ANKRD27: variants seen among roughly 807,000 people sequenced by gnomAD.
ANKRD27 encodes ankyrin repeat domain-containing protein 27.
In ANKRD27, 112 loss-of-function variants were observed where a neutral mutation model predicts 129.7. The ratio of observed to expected loss-of-function variants is 0.86; its 90% CI spans 0.74 to 1.01. The LOEUF is 1.01. Among genes scored for constraint, ANKRD27 ranks in the 50% least tolerant of loss-of-function variants. The pLI is 0.00. For missense variants in ANKRD27, 1,258 were observed against 1,300.5 expected (o/e 0.97, Z 0.50); for synonymous variants, 516 against 511.2 (o/e 1.01, Z -0.13).
At chr19:32,619,649 C>T (rs1486616242) in intron 18 of ANKRD27, 96 bp from the exon 19 acceptor site, 2 of 1,450,336 alleles carry the variant, frequency 1.4e-6, no homozygotes, top group Non-Finnish European at 1.9e-6. Flanking sequence ...GGCCTAGCTC[C>T]TCGGAATGTC....
chr19:32,646,508 ACT>A lies in ANKRD27; in HGVS notation c.319_320del (p.Ser107PhefsTer32). 1 of 1,614,108 alleles carries A rather than the reference ACT, an allele frequency of 6.2e-7. No individual in the cohort carries two copies. The highest frequency in any genetic ancestry group is 8.5e-7 in the Non-Finnish European group (1 of 1,180,004). On this transcript the variant is annotated frameshift_variant, in exon 4 of 29. Coordinates refer to ENST00000306065, the MANE Select transcript of ANKRD27 (RefSeq NM_032139.3). LOFTEE classifies it high-confidence loss of function. The part of the protein sequence containing the change: ...EETFYNEKEE[S>X]FSILCIAHPL... Reference sequence around the variant, plus strand: ...GATGGGCTATACACAGGATGCTGAAACTCTCTTCTTTTTCATTGTAGAAAGTT... The same window carrying A: ...GATGGGCTATACACAGGATGCTGAAACTCTTCTTTTTCATTGTAGAAAGTT...
intron 1 of ANKRD27, among the ~76,000 whole-genome samples, chr19:32,664,701 G>A (rs1599776648): frequency 6.7e-6 from 1 of 149,708 alleles, no homozygotes; most frequent in Non-Finnish European, 1.5e-5. Flanking sequence ...GCTCATGCCT[G>A]TAATCCCACC....
At position 32,598,129 on chromosome 19, in the gene ANKRD27, C is replaced by T. The variant is rs558664447; in HGVS notation, c.*16G>A. Reference sequence around the variant, plus strand: ...CCTTGCTTCCTAGCAGTGGGTTCAACAACTCCTCATTCCTGTTAGGACCGG... The same window carrying T: ...CCTTGCTTCCTAGCAGTGGGTTCAATAACTCCTCATTCCTGTTAGGACCGG... On this transcript the variant is annotated 3_prime_UTR_variant, in exon 29 of 29. Coordinates refer to ENST00000306065, the MANE Select transcript of ANKRD27 (RefSeq NM_032139.3). 2 of 1,610,770 alleles carry T rather than the reference C, an allele frequency of 1.2e-6. No individual in the cohort carries two copies. Among genetic ancestry groups the T allele is most frequent in the Non-Finnish European group, 1.7e-6 (2 of 1,177,158 alleles).
In ANKRD27 at chr19:32,663,853, G is replaced by A. The variant is rs1043362749; in HGVS notation, c.-30-4808C>T. On this transcript the variant is annotated intron_variant, in intron 1 of 28. Coordinates refer to ENST00000306065, the MANE Select transcript of ANKRD27 (RefSeq NM_032139.3). Reference sequence around the variant, plus strand: ...GGGCGGATCACGAGGTCAGGAGATCGAGACCATCCCGGCTAAAACGGTGAA... The same window carrying A: ...GGGCGGATCACGAGGTCAGGAGATCAAGACCATCCCGGCTAAAACGGTGAA... 3.3e-5 allele frequency among the ~76,000 whole-genome samples: 5 copies of A among 151,658 alleles called. No homozygotes were observed. The South Asian group carries it at 6.3e-4, about 19-fold the overall frequency.
chr19:32,602,152 A>C, intron 25 of ANKRD27, 26 bp from the exon 26 acceptor site: 1 of 1,383,838 alleles, frequency 7.2e-7, no homozygotes, highest in Non-Finnish European at 1.0e-6. Context: ...GAAAAGGAAC[A>C]GTAATGTTTT....
chr19:32,655,581 G>C (rs1007047714), intron 2 of ANKRD27, among the ~76,000 whole-genome samples: 3 of 152,192 alleles, frequency 2.0e-5, no homozygotes, highest in African/African-American at 7.2e-5. Context: ...ATGACTTGTA[G>C]CTGAAAAGCA....
At chr19:32,607,930 A>G (rs1971772505) in intron 22 of ANKRD27, 98 bp from the exon 23 acceptor site, 1 of 1,211,742 alleles carries the variant, frequency 8.3e-7, no homozygotes, top group Non-Finnish European at 1.2e-6. Context: ...TCCCACACAC[A>G]ATGCGGGATC....
intron 18 of ANKRD27, among the ~76,000 whole-genome samples, chr19:32,621,860 C>T (rs541470397): frequency 1.1e-4 from 17 of 152,080 alleles, no homozygotes; most frequent in Non-Finnish European, 2.1e-4. Flanking sequence ...TGCCGGGAGA[C>T]GAGAGTGCAG....
rs1455188904 is a variant in ANKRD27, at chr19:32,619,302, T to C, written c.1965A>G (p.Ser655=). 6.2e-7 allele frequency: 1 copy of C among 1,613,560 alleles called. No homozygotes were observed. Among genetic ancestry groups the C allele is most frequent in the East Asian group, 2.2e-5 (1 of 44,874 alleles). The part of the protein sequence containing the change: ...ESSTSSFSSM[S]ASSRQEETKK... ...TGGTCTCCTCCTGCCTTGAGCTGGC[T>C]GACATGGAGGAGAAGCTGGAAGTGG... The change falls in exon 20 of 29, where the codon TCA becomes TCG. Residue 655 remains serine (S), a synonymous_variant. Coordinates refer to ENST00000306065, the MANE Select transcript of ANKRD27 (RefSeq NM_032139.3).
intron 3 of ANKRD27, among the ~76,000 whole-genome samples, chr19:32,648,673 G>GC (rs1465128487): frequency 6.6e-6 from 1 of 151,994 alleles, no homozygotes; most frequent in Non-Finnish European, 1.5e-5. Context: ...GGTGGCGGGT[G>GC]CCCGTAGTCC....
rs1465920357 is a variant in ANKRD27, at chr19:32,602,546, C to A, written c.2656-420G>T. The stretch of plus-strand genomic sequence containing the variant: ...GACTGAGGTGGGAGGATTGCTTGAG[C>A]CCAGGTGTTCAAGACTAGCCTGGGC... On this transcript the variant is annotated intron_variant, in intron 25 of 28. Coordinates refer to ENST00000306065, the MANE Select transcript of ANKRD27 (RefSeq NM_032139.3). Among the ~76,000 whole-genome samples the A allele has an allele frequency of 8.5e-5, 13 of 152,054 alleles. 1 individual carries two copies. Among genetic ancestry groups the A allele is most frequent in the Admixed American group, 8.5e-4 (13 of 15,260 alleles).
rs372495426 is a variant in ANKRD27, at chr19:32,639,348, G to A, written c.1116+8C>T. On this transcript the variant is annotated splice_region_variant and intron_variant, in intron 12 of 28. Coordinates refer to ENST00000306065, the MANE Select transcript of ANKRD27 (RefSeq NM_032139.3). Reference sequence around the variant, plus strand: ...CAAAGGAAGGCCAGGGCAGGGGTGAGATCTTACAGGGGGTTTAGCAGAGAG... The same window carrying A: ...CAAAGGAAGGCCAGGGCAGGGGTGAAATCTTACAGGGGGTTTAGCAGAGAG... 3.8e-5 allele frequency: 61 copies of A among 1,614,164 alleles called. No individual in the cohort carries two copies. Among genetic ancestry groups the A allele is most frequent in the Non-Finnish European group, 5.1e-5 (60 of 1,180,020 alleles).
At chr19:32,660,186 G>A (rs1445720341) in intron 1 of ANKRD27, among the ~76,000 whole-genome samples, 8 of 152,206 alleles carry the variant, frequency 5.3e-5, no homozygotes, top group South Asian at 2.1e-4. Flanking sequence ...ATACTAACCC[G>A]CTAGGCGGGG....
chr19:32,643,467 C>T lies in ANKRD27; in HGVS notation c.603G>A (p.Gln201=), dbSNP rs1490386473. The T allele has an allele frequency of 6.2e-7, 1 of 1,613,694 alleles. No homozygotes were observed. Among genetic ancestry groups the T allele is most frequent in the African/African-American group, 1.3e-5 (1 of 74,792 alleles). Residue 201 remains glutamine, a synonymous_variant, in exon 7 of 29, where the codon CAG becomes CAA. Coordinates refer to ENST00000306065, the MANE Select transcript of ANKRD27 (RefSeq NM_032139.3). ...GCTTCATCAGGTTCATCTGGGCCTC[C>T]TGCTTGGCGAGCATTTTCTAGAGGG... ...RDSHLKMLAK[Q]EAQMNLMKQA...
intron 16 of ANKRD27, 99 bp from the exon 17 acceptor site, chr19:32,626,065 GAT>G: frequency 1.2e-6 from 1 of 842,452 alleles, no homozygotes; most frequent in East Asian, 2.9e-5. Flanking sequence ...TCCCATCTTC[GAT>G]CTTATTTATG....
chr19:32,649,688 A>C lies in ANKRD27; in HGVS notation c.207T>G (p.Asn69Lys). 6.2e-7 allele frequency: 1 copy of C among 1,608,118 alleles called. No individual in the cohort carries two copies. Residue 69 changes from asparagine to lysine, a missense_variant, in exon 3 of 29, where the codon AAT becomes AAG. Coordinates refer to ENST00000306065, the MANE Select transcript of ANKRD27 (RefSeq NM_032139.3). Reference protein sequence around the residue: ...IPVEEHFQTLNGKDVFIQGNR... With the variant: ...IPVEEHFQTLKGKDVFIQGNR... ...TCCACCAAGAAATGAATACCTTTCCATTTAAGGTCTGAAAATGCTCTTCCA... is the reference window on the plus strand; with the variant it reads ...TCCACCAAGAAATGAATACCTTTCCCTTTAAGGTCTGAAAATGCTCTTCCA...
In ANKRD27 at chr19:32,639,616, C is replaced by G. The variant is rs577302155; in HGVS notation, c.984-128G>C. On this transcript the variant is annotated intron_variant, in intron 11 of 28. Coordinates refer to ENST00000306065, the MANE Select transcript of ANKRD27 (RefSeq NM_032139.3). Reference sequence around the variant, plus strand: ...GGTTCGCTCAGGAAGCTACGACCACCATCCCCTGGATCTCTCTGCAGAGTG... The same window carrying G: ...GGTTCGCTCAGGAAGCTACGACCACGATCCCCTGGATCTCTCTGCAGAGTG... 1.1e-4 allele frequency: 102 copies of G among 930,570 alleles called. 2 individuals are homozygous for G. In the South Asian group the frequency reaches 1.5e-3, roughly 14 times the overall value. 57.6% of individuals were successfully genotyped at this position (930,570 alleles called of 1,614,324 possible).
intron 1 of ANKRD27, among the ~76,000 whole-genome samples, chr19:32,668,233 C>T (rs147777759): frequency 1.5e-3 from 226 of 152,138 alleles, no homozygotes; most frequent in Middle Eastern, 3.4e-3. Flanking sequence ...GCTCACTGCA[C>T]CCTCAAACTC....
chr19:32,650,124 C>T (rs1007315099), intron 2 of ANKRD27, among the ~76,000 whole-genome samples: 3 of 152,170 alleles, frequency 2.0e-5, no homozygotes, highest in Admixed American at 1.3e-4. Context: ...GCTAGTGGCC[C>T]CAGGCTCCCT....
Sources: gnomAD v4.1 joint callset for allele counts (sites outside exome capture counted in the v4.1 genomes callset) on GRCh38, gnomAD v4.1.1 for gene constraint, MANE v1.5 for transcripts, NCBI Gene and HGNC (gene_info 2026-07-23, HGNC 2026-07-21) for gene names.